ADGRL2: variants seen among roughly 807,000 people sequenced by gnomAD.
ADGRL2 encodes calcium-independent alpha-latrotoxin receptor 2.
In ADGRL2, 44 loss-of-function variants were observed where a neutral mutation model predicts 157.4. The ratio of observed to expected loss-of-function variants is 0.28; its 90% CI spans 0.22 to 0.36. The LOEUF is 0.36. Among genes scored for constraint, ADGRL2 ranks in the 10% least tolerant of loss-of-function variants. The pLI is 1.00. For missense variants in ADGRL2, 1,510 were observed against 1,768.9 expected (o/e 0.85, Z 2.63); for synonymous variants, 585 against 624.7 (o/e 0.94, Z 0.95).
At chr1:81,531,244 A>T (rs2079591578) in intron 2 of ADGRL2, among the ~76,000 whole-genome samples, 1 of 152,186 alleles carries the variant, frequency 6.6e-6, no homozygotes, top group Non-Finnish European at 1.5e-5. Flanking sequence ...GAAAAGGAGA[A>T]TTAAGAATGA....
chr1:81,457,370 T>C (rs1451672529), intron 2 of ADGRL2, among the ~76,000 whole-genome samples: 1 of 152,108 alleles, frequency 6.6e-6, no homozygotes, highest in Non-Finnish European at 1.5e-5. Context: ...AAAATTAATT[T>C]ATTTATTAAT....
At chr1:81,592,078 T>C (rs2081144370) in intron 3 of ADGRL2, among the ~76,000 whole-genome samples, 2 of 152,198 alleles carry the variant, frequency 1.3e-5, no homozygotes, top group African/African-American at 4.8e-5. Flanking sequence ...TTATTTTATC[T>C]CTTTAATGCA....
intron 2 of ADGRL2, among the ~76,000 whole-genome samples, chr1:81,570,915 C>G (rs1457207257): frequency 2.6e-5 from 4 of 152,084 alleles, no homozygotes; most frequent in Non-Finnish European, 5.9e-5. Context: ...CAGCTGCACA[C>G]CAGAGAATCC....
chr1:81,764,774 T>C (rs905261324), intron 2 of ADGRL2, among the ~76,000 whole-genome samples: 2 of 152,084 alleles, frequency 1.3e-5, no homozygotes, highest in African/African-American at 4.8e-5. Context: ...TACTATAAGA[T>C]TTTTAAAATA....
In ADGRL2 at chr1:81,964,700, G is replaced by A. The variant is rs1360185090; in HGVS notation, c.2018-1358G>A. On this transcript the variant is annotated intron_variant, in intron 11 of 23. Coordinates refer to ENST00000686636, the MANE Select transcript of ADGRL2 (RefSeq NM_001366006.2). Reference sequence around the variant, plus strand: ...GAGATGATTTTTGTAAAAATAAAAAGGGGATTGTAGGTGAATAGCTGATAG... The same window carrying A: ...GAGATGATTTTTGTAAAAATAAAAAAGGGATTGTAGGTGAATAGCTGATAG... Among the ~76,000 whole-genome samples the A allele has an allele frequency of 2.0e-5, 3 of 152,022 alleles. No homozygotes were observed. The South Asian group carries it at 6.2e-4, about 31-fold the overall frequency.
intron 3 of ADGRL2, among the ~76,000 whole-genome samples, chr1:81,656,945 G>A (rs904540491): frequency 6.6e-6 from 1 of 150,702 alleles, no homozygotes; most frequent in Non-Finnish European, 1.5e-5. Context: ...GGGAGGTCGA[G>A]GTTACCATGA....
At chr1:81,701,461 G>T (rs1322304451) in intron 1 of ADGRL2, among the ~76,000 whole-genome samples, 1 of 152,042 alleles carries the variant, frequency 6.6e-6, no homozygotes, top group Non-Finnish European at 1.5e-5. Context: ...AGTCAGCATT[G>T]GCTGGGTCCA....
chr1:81,509,231 C>T, intron 2 of ADGRL2, among the ~76,000 whole-genome samples: 1 of 152,152 alleles, frequency 6.6e-6, no homozygotes, highest in Non-Finnish European at 1.5e-5. Flanking sequence ...AATTCTGATA[C>T]CCTGTTAACT....
chr1:81,578,634 T>G (rs907531756), intron 2 of ADGRL2, among the ~76,000 whole-genome samples: 17 of 152,158 alleles, frequency 1.1e-4, no homozygotes, highest in African/African-American at 4.1e-4. Context: ...AGCAGAATAC[T>G]CCAAGTTCTA....
chr1:81,769,773 T>A (rs2086277264), intron 2 of ADGRL2, among the ~76,000 whole-genome samples: 1 of 152,128 alleles, frequency 6.6e-6, no homozygotes, highest in Non-Finnish European at 1.5e-5. Context: ...GGAAATTACA[T>A]CTTTCTTACC....
intron 1 of ADGRL2, among the ~76,000 whole-genome samples, chr1:81,391,121 G>T (rs2076544326): frequency 6.6e-6 from 1 of 152,422 alleles, no homozygotes; most frequent in Non-Finnish European, 1.5e-5. Flanking sequence ...AATCAAGTTT[G>T]TTAACAAATG....
intron 2 of ADGRL2, among the ~76,000 whole-genome samples, chr1:81,897,641 T>G (rs1200775874): frequency 6.6e-6 from 1 of 152,170 alleles, no homozygotes; most frequent in African/African-American, 2.4e-5. Flanking sequence ...TTTGAAACTA[T>G]CAGCTAATGG....
intron 1 of ADGRL2, among the ~76,000 whole-genome samples, chr1:81,394,306 A>G (rs752005649): frequency 1.3e-5 from 2 of 152,096 alleles, no homozygotes; most frequent in Non-Finnish European, 2.9e-5. Context: ...ACTAGAACTC[A>G]TTCTTCCTAT....
intron 1 of ADGRL2, among the ~76,000 whole-genome samples, chr1:81,700,982 G>A (rs1452145621): frequency 6.6e-6 from 1 of 152,210 alleles, no homozygotes; most frequent in Admixed American, 6.5e-5. Context: ...ATGCAGAAAT[G>A]CTGATTGTTC....
intron 1 of ADGRL2, among the ~76,000 whole-genome samples, chr1:81,442,150 C>G (rs576575827): frequency 6.6e-6 from 1 of 152,120 alleles, no homozygotes; most frequent in Admixed American, 6.5e-5. Context: ...TGTATCTAAG[C>G]TCTCTAGAAA....
At chr1:81,790,055 G>A (rs566903623) in intron 2 of ADGRL2, among the ~76,000 whole-genome samples, 3 of 152,260 alleles carry the variant, frequency 2.0e-5, no homozygotes, top group East Asian at 1.9e-4. Context: ...AAAGTTGAAT[G>A]TAAGTCCTGT....
In ADGRL2 at chr1:81,992,985, A is replaced by T. The variant is rs1368746960; in HGVS notation, c.*1840A>T. Among the ~76,000 whole-genome samples, 33 of 145,106 alleles carry T rather than the reference A, an allele frequency of 2.3e-4. No individual in the cohort carries two copies. Among genetic ancestry groups the T allele is most frequent in the Non-Finnish European group, 1.5e-5 (1 of 66,804 alleles). On this transcript the variant is annotated 3_prime_UTR_variant, in exon 24 of 24. Transcript: ENST00000686636. ...TACCACTAGCTTATAAATCACTTTT[A>T]TGTGGACACACACATGCCTATTGAA...
intron 1 of ADGRL2, among the ~76,000 whole-genome samples, chr1:81,373,333 T>C (rs192364255): frequency 1.1e-4 from 16 of 152,302 alleles, no homozygotes; most frequent in Non-Finnish European, 2.2e-4. Flanking sequence ...GGCAAAACCA[T>C]ACTTACAGCT....
intron 21 of ADGRL2, among the ~76,000 whole-genome samples, chr1:81,986,668 C>T (rs185831271): frequency 5.9e-5 from 9 of 152,166 alleles, no homozygotes; most frequent in Admixed American, 4.6e-4. Context: ...CAGGTGTTTA[C>T]TTGGGGGATT....
Sources: allele counts gnomAD v4.1 joint callset (sites outside exome capture counted in the v4.1 genomes callset), GRCh38; gene constraint gnomAD v4.1.1; transcripts MANE v1.5; gene names NCBI Gene and HGNC (gene_info 2026-07-23, HGNC 2026-07-21).